Variants in CLIC5 observed in about 807,000 individuals in gnomAD.
The protein encoded by CLIC5 is CLIC family member 5.
In CLIC5, 20 loss-of-function variants were observed where a neutral mutation model predicts 24.7. The observed-to-expected ratio is 0.81, with a 90% confidence interval of 0.57 to 1.18. The LOEUF is 1.18. CLIC5 is among the 50% of genes most tolerant of loss of function. The pLI is 0.00. For missense variants in CLIC5, 341 were observed against 326.1 expected (o/e 1.05, Z -0.35); for synonymous variants, 159 against 135.6 (o/e 1.17, Z -1.20).
At chr6:45,896,099 C>T (rs1762390837), downstream of CLIC5, among the ~76,000 whole-genome samples, 1 of 152,142 alleles carries the variant, frequency 6.6e-6, no homozygotes, top group South Asian at 2.1e-4. Flanking sequence ...ATGTTTATTG[C>T]ACGTGGATGT....
At chr6:46,099,760 G>A in the CLIC5 span, among the ~76,000 whole-genome samples, 51 of 152,162 alleles carry the variant, frequency 3.4e-4, no homozygotes, top group Non-Finnish European at 6.6e-4. Context: ...GGGTGGATGT[G>A]TGGATACATT....
At chr6:45,961,657 T>C (rs1283125102) in intron 1 of CLIC5, among the ~76,000 whole-genome samples, 1 of 152,244 alleles carries the variant, frequency 6.6e-6, no homozygotes, top group Non-Finnish European at 1.5e-5. Context: ...GACTATTTTT[T>C]TTTTAATACC....
chr6:46,082,524 T>C (rs1423870907), upstream of CLIC5, among the ~76,000 whole-genome samples: 1 of 152,176 alleles, frequency 6.6e-6, no homozygotes, highest in East Asian at 1.9e-4. Context: ...ATACCTGTTT[T>C]TTCACCCCTT....
chr6:45,957,051 G>A (rs1470335801), intron 1 of CLIC5, among the ~76,000 whole-genome samples: 4 of 152,082 alleles, frequency 2.6e-5, no homozygotes, highest in African/African-American at 7.2e-5. Flanking sequence ...CCCGACACAG[G>A]AAGAATTTCC....
At chr6:45,909,440 T>A (rs1762753457) in intron 5 of CLIC5, among the ~76,000 whole-genome samples, 1 of 152,176 alleles carries the variant, frequency 6.6e-6, no homozygotes, top group South Asian at 2.1e-4. Context: ...ATGTTTAGAG[T>A]CCCTTAAGGA....
At chr6:45,958,963 TACTAC>T (rs1249841582) in intron 1 of CLIC5, among the ~76,000 whole-genome samples, 4 of 50,456 alleles carry the variant, frequency 7.9e-5, no homozygotes, top group Non-Finnish European at 1.7e-4. Flanking sequence ...CATGCATACA[TACTAC>T]ATACATACAT....
At position 45,945,607 on chromosome 6, in the gene CLIC5, G is replaced by C. The variant is rs1764265206; in HGVS notation, c.299+3649C>G. Among the ~76,000 whole-genome samples the C allele has an allele frequency of 1.3e-5, 2 of 152,122 alleles. 1 individual carries two copies. Among genetic ancestry groups the C allele is most frequent in the South Asian group, 4.1e-4 (2 of 4,820 alleles). On this transcript the variant is annotated intron_variant, in intron 3 of 5. Transcript: ENST00000339561. ...CAAGTGAGAAATAAACCTGTGTTCT[G>C]TTAAGCAACTGGAATTTTATGGCCG...
chr6:45,915,024 G>A (rs1762972569), intron 4 of CLIC5, among the ~76,000 whole-genome samples: 1 of 151,780 alleles, frequency 6.6e-6, no homozygotes, highest in Non-Finnish European at 1.5e-5. Flanking sequence ...CCGACTCCCT[G>A]GTTCAAACGA....
chr6:45,894,959 C>A (rs955157434), downstream of CLIC5, among the ~76,000 whole-genome samples: 1 of 151,974 alleles, frequency 6.6e-6, no homozygotes, highest in Non-Finnish European at 1.5e-5. Context: ...ATATATTTGG[C>A]CCCAGAATTG....
At chr6:45,972,465 A>G (rs1040160343) in intron 1 of CLIC5, among the ~76,000 whole-genome samples, 3 of 152,184 alleles carry the variant, frequency 2.0e-5, no homozygotes, top group Non-Finnish European at 2.9e-5. Flanking sequence ...TTATCTCTCA[A>G]TCAAGTCTCA....
the CLIC5 span, among the ~76,000 whole-genome samples, chr6:46,087,902 C>T: frequency 2.8e-4 from 43 of 152,110 alleles, no homozygotes; most frequent in African/African-American, 8.7e-4. Context: ...GAAGAATAAA[C>T]GAGCTGCATA....
chr6:46,051,598 C>T (rs1239769976), intron 1 of CLIC5, among the ~76,000 whole-genome samples: 1 of 152,170 alleles, frequency 6.6e-6, no homozygotes, highest in Non-Finnish European at 1.5e-5. Context: ...ACTGGGCAAC[C>T]AGCCACATGA....
intron 1 of CLIC5, among the ~76,000 whole-genome samples, chr6:46,059,827 C>T (rs1316858511): frequency 6.7e-6 from 1 of 148,432 alleles, no homozygotes; most frequent in Non-Finnish European, 1.5e-5. Flanking sequence ...TAATAATCAC[C>T]CCTCTCACAT....
intron 5 of CLIC5, among the ~76,000 whole-genome samples, chr6:45,904,515 C>G (rs928987014): frequency 6.6e-6 from 1 of 151,184 alleles, no homozygotes; most frequent in Admixed American, 6.6e-5. Context: ...TTAAACAGGG[C>G]CCCCCTGTTT....
chr6:45,960,564 A>G (rs1764812259), intron 1 of CLIC5, among the ~76,000 whole-genome samples: 1 of 152,174 alleles, frequency 6.6e-6, no homozygotes, highest in Non-Finnish European at 1.5e-5. Context: ...CTATAGGCTC[A>G]GCATGCAACC....
At chr6:45,936,196 CTTTTTTTT>C (rs60969238) in intron 4 of CLIC5, among the ~76,000 whole-genome samples, 2,259 of 80,358 alleles carry the variant, frequency 0.028, 79 homozygotes, top group African/African-American at 0.11. Context: ...CAACGGCTGA[CTTTTTTTT>C]TTTTTTTTTT....
At chr6:45,963,523 T>C (rs1304346796) in intron 1 of CLIC5, among the ~76,000 whole-genome samples, 1 of 152,186 alleles carries the variant, frequency 6.6e-6, no homozygotes, top group Non-Finnish European at 1.5e-5. Flanking sequence ...ATTTGCCCTC[T>C]CAGCTCACCA....
In CLIC5 at chr6:45,979,216, A is replaced by T. The variant is rs145609595; in HGVS notation, c.64-23972T>A. On this transcript the variant is annotated intron_variant, in intron 1 of 5. Transcript: ENST00000339561. ...CCCTTTATATCTCACAGTGCCATGA[A>T]GACCCAGGACACATGTATTATATGT... is the stretch of plus-strand genomic sequence containing the variant. Among the ~76,000 whole-genome samples, 362 of 152,306 alleles carry T rather than the reference A, an allele frequency of 2.4e-3. 1 individual carries two copies. Among genetic ancestry groups the T allele is most frequent in the African/African-American group, 8.1e-3 (335 of 41,564 alleles).
chr6:46,009,474 T>C (rs1383618817), intron 1 of CLIC5, among the ~76,000 whole-genome samples: 5 of 152,098 alleles, frequency 3.3e-5, no homozygotes, highest in Non-Finnish European at 5.9e-5. Context: ...GAGAGAGTCC[T>C]TTACAGAACT....
Sources: allele counts gnomAD v4.1 joint callset (sites outside exome capture counted in the v4.1 genomes callset), GRCh38; gene constraint gnomAD v4.1.1; transcripts MANE v1.5; gene names NCBI Gene and HGNC (gene_info 2026-07-23, HGNC 2026-07-21).